Variants in STK32B observed in about 807,000 individuals in gnomAD.
STK32B encodes the protein serine/threonine kinase 32B.
Under a neutral mutation model 52.6 loss-of-function variants are expected in STK32B, and 43 were observed. The observed-to-expected ratio is 0.82, with a 90% confidence interval of 0.64 to 1.05. The LOEUF is 1.05. STK32B is among the 50% of genes least tolerant of loss of function. STK32B has a pLI of 0.00. For missense variants in STK32B, 621 were observed against 534.6 expected (o/e 1.16, Z -1.59); for synonymous variants, 238 against 204.3 (o/e 1.17, Z -1.41).
chr4:5,357,096 C>T (rs868280648), intron 4 of STK32B, among the ~76,000 whole-genome samples: 5,559 of 148,764 alleles, frequency 0.037, 285 homozygotes, highest in Admixed American at 0.14. Flanking sequence ...TATACACACA[C>T]ACACACACAC....
At chr4:5,102,426 C>CACCTTCCT (rs1560152334) in intron 1 of STK32B, among the ~76,000 whole-genome samples, 1 of 144,408 alleles carries the variant, frequency 6.9e-6, no homozygotes, top group Non-Finnish European at 1.5e-5. Context: ...TTTCCTTCTT[C>CACCTTCCT]TCCTTCCTTG....
intron 3 of STK32B, among the ~76,000 whole-genome samples, chr4:5,260,426 C>T (rs1008377278): frequency 2.0e-5 from 3 of 152,054 alleles, no homozygotes; most frequent in African/African-American, 7.2e-5. Flanking sequence ...GATGACAATA[C>T]AGTAAGATCA....
chr4:5,350,254 A>G (rs147471872), intron 4 of STK32B, among the ~76,000 whole-genome samples: 1 of 152,358 alleles, frequency 6.6e-6, no homozygotes, highest in East Asian at 1.9e-4. Flanking sequence ...CATCAGGTTA[A>G]TAGCAGATTT....
intron 1 of STK32B, among the ~76,000 whole-genome samples, chr4:5,088,119 T>C (rs1328824968): frequency 6.6e-6 from 1 of 152,032 alleles, no homozygotes; most frequent in African/African-American, 2.4e-5. Flanking sequence ...AGAAAAAAGC[T>C]AGGAATCAAT....
chr4:5,316,223 T>TAA (rs1730693970), intron 3 of STK32B, among the ~76,000 whole-genome samples: 12 of 71,590 alleles, frequency 1.7e-4, no homozygotes, highest in African/African-American at 1.2e-3. Flanking sequence ...ACATAATATA[T>TAA]TATATATACA....
At chr4:5,436,080 A>G (rs1021593610) in intron 6 of STK32B, 1 of 152,386 alleles carries the variant, frequency 6.6e-6, no homozygotes, top group African/African-American at 2.4e-5. Context: ...GGCACAAGAC[A>G]GCTTGGGGCC....
chr4:5,464,621 G>A (rs1039947801), intron 9 of STK32B, among the ~76,000 whole-genome samples: 18 of 152,230 alleles, frequency 1.2e-4, no homozygotes, highest in Non-Finnish European at 1.5e-5. Flanking sequence ...ACAGGTCTGA[G>A]CGTGTTCTGT....
chr4:5,372,284 G>A (rs1248470856), intron 4 of STK32B, among the ~76,000 whole-genome samples: 7 of 152,180 alleles, frequency 4.6e-5, no homozygotes, highest in African/African-American at 1.7e-4. Context: ...AGTGAAGGAG[G>A]AGCAGCACCT....
At chr4:5,140,197 G>T in intron 2 of STK32B, 6 of 1,495,026 alleles carry the variant, frequency 4.0e-6, no homozygotes, top group Non-Finnish European at 5.4e-6. Context: ...TTTATTTCAG[G>T]ATTGCCAATG....
chr4:5,498,035 GAAC>G (rs1197947117), intron 11 of STK32B, among the ~76,000 whole-genome samples: 2 of 151,990 alleles, frequency 1.3e-5, no homozygotes, highest in Non-Finnish European at 2.9e-5. Flanking sequence ...CCTGCAAAGT[GAAC>G]AATAGAATCC....
chr4:5,053,747 C>T (rs549211608), intron 1 of STK32B, among the ~76,000 whole-genome samples: 2 of 152,122 alleles, frequency 1.3e-5, no homozygotes, highest in Admixed American at 1.3e-4. Context: ...CTTTGGGAGG[C>T]CGAGGTGGAC....
At chr4:5,131,456 TCTC>T (rs1438476724) in intron 1 of STK32B, among the ~76,000 whole-genome samples, 1 of 152,110 alleles carries the variant, frequency 6.6e-6, no homozygotes, top group Non-Finnish European at 1.5e-5. Flanking sequence ...TATTTTTCGT[TCTC>T]CTCCTCAGAA....
At chr4:5,105,051 G>A (rs1436425815) in intron 1 of STK32B, among the ~76,000 whole-genome samples, 3 of 152,152 alleles carry the variant, frequency 2.0e-5, no homozygotes, top group Non-Finnish European at 4.4e-5. Context: ...CACTTGCGAC[G>A]TAAGAGGGAT....
chr4:5,352,554 T>C, intron 4 of STK32B, among the ~76,000 whole-genome samples: 1 of 150,966 alleles, frequency 6.6e-6, no homozygotes, highest in Non-Finnish European at 1.5e-5. Flanking sequence ...ATGCCACTTT[T>C]ACCACTCCTA....
At chr4:5,454,965 G>C (rs1049753826) in intron 7 of STK32B, among the ~76,000 whole-genome samples, 2 of 152,160 alleles carry the variant, frequency 1.3e-5, no homozygotes, top group East Asian at 3.9e-4. Flanking sequence ...AAGTTAACTA[G>C]ACTTTCTAGA....
Position 5,470,490 on chromosome 4 carries a change from G to A in STK32B, c.1106+2420G>A, listed in dbSNP as rs1181088120. On this transcript the variant is annotated intron_variant, in intron 11 of 11. Coordinates refer to ENST00000282908, the MANE Select transcript of STK32B (RefSeq NM_018401.3). This position sits in a 1 kb window ranked among gnomAD's most constrained non-coding sequence, Gnocchi z 4.6. Reference sequence around the variant, plus strand: ...AGTTCTTCTTCTTCATCCTGTCTCTGCTTACCTAAGTGCTTCCTCTGCGGC... The same window carrying A: ...AGTTCTTCTTCTTCATCCTGTCTCTACTTACCTAAGTGCTTCCTCTGCGGC... Among the ~76,000 whole-genome samples, 4 of 152,120 alleles carry A rather than the reference G, an allele frequency of 2.6e-5. No homozygotes were observed. The highest frequency in any genetic ancestry group is 9.7e-5 in the African/African-American group (4 of 41,424).
chr4:5,490,716 C>T (rs1424355479), intron 11 of STK32B, among the ~76,000 whole-genome samples: 1 of 151,958 alleles, frequency 6.6e-6, no homozygotes, highest in South Asian at 2.1e-4. Context: ...TAAAGCTATC[C>T]CTCCCCAACT....
intron 3 of STK32B, among the ~76,000 whole-genome samples, chr4:5,196,587 G>A: frequency 6.6e-6 from 1 of 151,834 alleles, no homozygotes; most frequent in East Asian, 1.9e-4. Context: ...TGGGCATGGT[G>A]GCGCACGCCT....
chr4:5,331,436 G>C lies in STK32B; in HGVS notation c.434+43G>C, dbSNP rs1261288221. The C allele has an allele frequency of 1.9e-6, 3 of 1,570,250 alleles. No individual in the cohort carries two copies. The Admixed American group carries it at 5.3e-5, about 28-fold the overall frequency. ...GGGATGCCTGGGACAGAGGGACCATGGGCTAGGGTGTCAGGAGCAGTCTGC... is the reference window on the plus strand; with the variant it reads ...GGGATGCCTGGGACAGAGGGACCATCGGCTAGGGTGTCAGGAGCAGTCTGC... On this transcript the variant is annotated intron_variant, in intron 4 of 11. Coordinates refer to ENST00000282908, the MANE Select transcript of STK32B (RefSeq NM_018401.3).
Sources: gnomAD v4.1 joint callset for allele counts (sites outside exome capture counted in the v4.1 genomes callset) on GRCh38, gnomAD v4.1.1 for gene constraint, Gnocchi (gnomAD v3.1) non-coding constraint, MANE v1.5 for transcripts, NCBI Gene and HGNC (gene_info 2026-07-23, HGNC 2026-07-21) for gene names.